The following CELF2 variants were observed in gnomAD, a reference collection of about 807,000 sequenced individuals.
CELF2 encodes CUGBP Elav-like family member 2, also known as CUG triplet repeat RNA-binding protein 2.
Under a neutral mutation model 62.6 loss-of-function variants are expected in CELF2, and 8 were observed. The ratio of observed to expected loss-of-function variants is 0.13; its 90% CI spans 0.07 to 0.23. The LOEUF is 0.23. Among genes scored for constraint, CELF2 ranks in the 10% least tolerant of loss-of-function variants. CELF2 has a pLI of 1.00. For missense variants in CELF2, 333 were observed against 671.0 expected (o/e 0.50, Z 5.56); for synonymous variants, 258 against 250.0 (o/e 1.03, Z -0.30).
chr10:10,775,066 C>T, the CELF2 span, among the ~76,000 whole-genome samples: 20,769 of 151,762 alleles, frequency 0.14, 1,749 homozygotes, highest in East Asian at 0.31. Flanking sequence ...TCAGTAGAGA[C>T]AGGTTTCACC....
rs2093572213 is a variant in CELF2, at chr10:11,300,014, C to T, written c.976+11462C>T. Among the ~76,000 whole-genome samples, 1 of 152,232 alleles carries T rather than the reference C, an allele frequency of 6.6e-6. No homozygotes were observed. The highest frequency in any genetic ancestry group is 1.5e-5 in the Non-Finnish European group (1 of 68,040). ...GCCTGTATGAATGGACTCTTCCAAACTCATGGCCCCACACTGCCTTTATGA... is the reference window on the plus strand; with the variant it reads ...GCCTGTATGAATGGACTCTTCCAAATTCATGGCCCCACACTGCCTTTATGA... On this transcript the variant is annotated intron_variant, in intron 9 of 12. Transcript: ENST00000633077. This position sits in a 1 kb window ranked among gnomAD's most constrained non-coding sequence, Gnocchi z 5.5.
chr10:10,537,499 T>G, the CELF2 span, among the ~76,000 whole-genome samples: 1 of 152,160 alleles, frequency 6.6e-6, no homozygotes, highest in South Asian at 2.1e-4. Context: ...TATTTAAAAG[T>G]TATAAGTTAA....
In CELF2 at chr10:10,947,494, A is replaced by G. The variant is rs2047824868; in HGVS notation, c.89+27495A>G. On this transcript the variant is annotated intron_variant, in intron 2 of 13. Coordinates refer to the CELF2 transcript ENST00000636488. The surrounding 1 kb of genome is among the most constrained non-coding windows in gnomAD (Gnocchi z 4.1). ...GAAGGTAGCATGAAACATCATTTGT[A>G]ACTGGTGATGGTCAGATTAACATTC... The G allele has an allele frequency of 6.6e-6, 1 of 152,640 alleles. No homozygotes were observed. The highest frequency in any genetic ancestry group is 2.4e-5 in the African/African-American group (1 of 41,440). 9.5% of individuals were successfully genotyped at this position (152,640 alleles called of 1,614,324 possible).
chr10:10,699,821 G>C, the CELF2 span, among the ~76,000 whole-genome samples: 1 of 152,214 alleles, frequency 6.6e-6, no homozygotes, highest in Non-Finnish European at 1.5e-5. Flanking sequence ...GGAGTGAAGA[G>C]ATTTGTGTTT....
the CELF2 span, among the ~76,000 whole-genome samples, chr10:10,519,980 C>A: frequency 5.9e-5 from 9 of 152,112 alleles, no homozygotes; most frequent in Non-Finnish European, 1.3e-4. Context: ...GTCCTCCTGC[C>A]CAGCCTCCCT....
chr10:10,781,142 G>A, the CELF2 span, among the ~76,000 whole-genome samples: 2 of 152,156 alleles, frequency 1.3e-5, no homozygotes, highest in African/African-American at 4.8e-5. Flanking sequence ...AGAACAAATA[G>A]TACATACAGT....
At chr10:11,000,971 C>T (rs2054461935), upstream of CELF2, among the ~76,000 whole-genome samples, 1 of 152,202 alleles carries the variant, frequency 6.6e-6, no homozygotes, top group African/African-American at 2.4e-5. Context: ...CCTTCTTCTG[C>T]AGTTGATAAA....
the CELF2 span, among the ~76,000 whole-genome samples, chr10:10,745,609 T>C: frequency 3.9e-5 from 6 of 152,270 alleles, no homozygotes; most frequent in African/African-American, 1.4e-4. Flanking sequence ...TTTAAACCAG[T>C]TCCATTTCCC....
intron 2 of CELF2, among the ~76,000 whole-genome samples, chr10:11,174,250 T>C (rs1191922150): frequency 6.6e-6 from 1 of 152,084 alleles, no homozygotes; most frequent in Non-Finnish European, 1.5e-5. Context: ...CTGAATCACA[T>C]AGACAAACAC....
chr10:11,062,412 G>T (rs979138319), intron 1 of CELF2, among the ~76,000 whole-genome samples: 5 of 152,178 alleles, frequency 3.3e-5, no homozygotes, highest in African/African-American at 1.2e-4. Flanking sequence ...TTCTGGAAAG[G>T]ATTTACCATA....
the CELF2 span, among the ~76,000 whole-genome samples, chr10:10,570,713 G>T: frequency 1.3e-5 from 2 of 152,106 alleles, no homozygotes; most frequent in Non-Finnish European, 2.9e-5. Context: ...CAAGTGGGAA[G>T]ATAGTACTGA....
chr10:10,985,593 T>C (rs1053019963), intron 2 of CELF2, among the ~76,000 whole-genome samples: 4 of 152,254 alleles, frequency 2.6e-5, no homozygotes, highest in African/African-American at 9.6e-5. Context: ...AAGATTTTGA[T>C]GCTGCCTGTG....
the CELF2 span, among the ~76,000 whole-genome samples, chr10:10,618,560 C>T: frequency 5.3e-5 from 8 of 152,068 alleles, no homozygotes; most frequent in Admixed American, 1.3e-4. Context: ...CTCATGGCAA[C>T]GCTTATGGTG....
chr10:10,551,001 T>C, the CELF2 span, among the ~76,000 whole-genome samples: 1 of 152,196 alleles, frequency 6.6e-6, no homozygotes. Flanking sequence ...CCCAGCTGCC[T>C]ACTTCTTAAT....
At chr10:11,018,195 G>GC (rs1406070309) in intron 1 of CELF2, 32 bp downstream of exon 1, 23 of 1,498,732 alleles carry the variant, frequency 1.5e-5, no homozygotes, top group Non-Finnish European at 2.0e-5. Context: ...GGCCGGGCGA[G>GC]CGGGCGTCCT....
chr10:10,943,409 T>C (rs1268485190), intron 2 of CELF2, among the ~76,000 whole-genome samples: 2 of 152,016 alleles, frequency 1.3e-5, no homozygotes, highest in Non-Finnish European at 2.9e-5. Context: ...CTACAGACAA[T>C]GGGAGGAGCA....
intron 1 of CELF2, among the ~76,000 whole-genome samples, chr10:10,868,580 G>A (rs2060529058): frequency 6.6e-6 from 1 of 152,196 alleles, no homozygotes; most frequent in Non-Finnish European, 1.5e-5. Flanking sequence ...GAGCAGAAAG[G>A]TCACATGGCA....
intron 1 of CELF2, among the ~76,000 whole-genome samples, chr10:10,847,482 G>A (rs941856928): frequency 1.3e-5 from 2 of 152,124 alleles, no homozygotes; most frequent in Admixed American, 6.5e-5. Flanking sequence ...ATGCATGCTC[G>A]TCCTGCAGCA....
chr10:11,181,262 G>A (rs769430212), intron 2 of CELF2, among the ~76,000 whole-genome samples: 7 of 152,136 alleles, frequency 4.6e-5, no homozygotes, highest in Non-Finnish European at 8.8e-5. Flanking sequence ...TTTCTGTAGC[G>A]TGGAGCTGGG....
Sources: allele counts gnomAD v4.1 joint callset (sites outside exome capture counted in the v4.1 genomes callset), GRCh38; gene constraint gnomAD v4.1.1; non-coding constraint Gnocchi (gnomAD v3.1); transcripts MANE v1.5; gene names NCBI Gene and HGNC (gene_info 2026-07-23, HGNC 2026-07-21).